Variants in PNLIP observed in about 807,000 individuals in gnomAD.
PNLIP encodes the protein pancreatic triacylglycerol lipase.
PNLIP carries 49 observed loss-of-function variants against 57.1 expected under a neutral mutation model. That is an observed-to-expected ratio of 0.86 (90% CI 0.68 to 1.09). The LOEUF (loss-of-function observed/expected upper bound fraction) is 1.09, where lower values mean the gene tolerates loss of function less well. Ranked by LOEUF, PNLIP falls within the 50% of genes least tolerant of loss-of-function variation. The pLI is 0.00. For missense variants in PNLIP, 503 were observed against 570.2 expected, an observed-to-expected ratio of 0.88 and a Z score of 1.20; for synonymous variants, 209 against 200.4, an observed-to-expected ratio of 1.04 and a Z score of -0.36.
intron 3 of PNLIP, 84 bp from the exon 4 acceptor site, chr10:116,548,276 T>G: frequency 7.5e-7 from 1 of 1,342,270 alleles, no homozygotes; most frequent in Non-Finnish European, 1.0e-6. Flanking sequence ...CTAGCAGTCT[T>G]CTACTTACTG....
At chr10:116,564,567 T>C (rs1847344964) in intron 12 of PNLIP, among the ~76,000 whole-genome samples, 1 of 152,082 alleles carries the variant, frequency 6.6e-6, no homozygotes, top group South Asian at 2.1e-4. Flanking sequence ...TAGAAAAGAA[T>C]TCACTAAAAG....
At chr10:116,555,910 A>G (rs1315842844) in intron 8 of PNLIP, 90 bp from the exon 9 acceptor site, 1 of 781,774 alleles carries the variant, frequency 1.3e-6, no homozygotes, top group Non-Finnish European at 2.2e-6. Flanking sequence ...CACTAATTAG[A>G]GAAATCTATT....
At chr10:116,546,886 C>T (rs552247611) in intron 2 of PNLIP, among the ~76,000 whole-genome samples, 18 of 152,288 alleles carry the variant, frequency 1.2e-4, no homozygotes, top group African/African-American at 4.1e-4. Flanking sequence ...TGGGGATATA[C>T]GGTTTTGGCC....
intron 9 of PNLIP, among the ~76,000 whole-genome samples, chr10:116,557,218 TAAAG>T (rs1847262011): frequency 6.6e-6 from 1 of 152,100 alleles, no homozygotes; most frequent in Admixed American, 6.5e-5. Context: ...GGGAAAAAAA[TAAAG>T]AAGCAAACAC....
At chr10:116,563,145 A>T (rs1847331510) in intron 12 of PNLIP, among the ~76,000 whole-genome samples, 1 of 152,208 alleles carries the variant, frequency 6.6e-6, no homozygotes. Context: ...ATTTGCTTAA[A>T]AGGTCAGTAA....
chr10:116,552,563 G>T (rs1006914970), intron 5 of PNLIP, among the ~76,000 whole-genome samples: 1 of 152,124 alleles, frequency 6.6e-6, no homozygotes, highest in African/African-American at 2.4e-5. Context: ...TAAGCTAAAG[G>T]TTATTACAAA....
rs1432527010 is a variant in PNLIP, at chr10:116,555,224, C to A, written c.618C>A (p.Val206=). The change falls in exon 7 of 13, where the codon GTC becomes GTA. Residue 206 remains valine, a synonymous_variant. Transcript: ENST00000369221. ...EPCFQGTPEL[V]RLDPSDAKFV... is the part of the protein sequence containing the mutation. Reference sequence around the variant, plus strand: ...GCTTTCAGGGCACACCTGAATTAGTCCGATTGGACCCCAGCGATGCCAAAT... The same window carrying A: ...GCTTTCAGGGCACACCTGAATTAGTACGATTGGACCCCAGCGATGCCAAAT... The A allele has an allele frequency of 6.2e-7, 1 of 1,614,042 alleles. No individual in the cohort carries two copies. The highest frequency in any genetic ancestry group is 8.5e-7 in the Non-Finnish European group (1 of 1,180,026).
At chr10:116,546,726 CT>C (rs1564723012) in intron 2 of PNLIP, among the ~76,000 whole-genome samples, 1 of 152,312 alleles carries the variant, frequency 6.6e-6, no homozygotes, top group Non-Finnish European at 1.5e-5. Flanking sequence ...TAGATTTATC[CT>C]CCTTAGAGAA....
At chr10:116,546,228 T>C in intron 2 of PNLIP, 90 bp downstream of exon 2, 2 of 1,077,708 alleles carry the variant, frequency 1.9e-6, no homozygotes, top group Non-Finnish European at 2.9e-6. Flanking sequence ...GCCGCAGTAA[T>C]AACATGAAGA....
chr10:116,558,670 G>C (rs1847282002), intron 9 of PNLIP, among the ~76,000 whole-genome samples: 1 of 151,560 alleles, frequency 6.6e-6, no homozygotes, highest in Non-Finnish European at 1.5e-5. Context: ...CTTGCCCAAG[G>C]CTTAAGTGCA....
intron 9 of PNLIP, among the ~76,000 whole-genome samples, chr10:116,557,682 T>C (rs1847267359): frequency 6.6e-6 from 1 of 152,140 alleles, no homozygotes; most frequent in African/African-American, 2.4e-5. Context: ...ATATGGTCCA[T>C]TGAGCCAGGA....
chr10:116,561,745 T>C (rs954922619), intron 12 of PNLIP, 109 bp downstream of exon 12: 3 of 943,052 alleles, frequency 3.2e-6, no homozygotes, highest in Non-Finnish European at 4.8e-6. Context: ...ATCGCCTACA[T>C]CCTAGTTGCA....
chr10:116,559,853 A>G (rs1847294172), intron 10 of PNLIP, among the ~76,000 whole-genome samples: 1 of 152,200 alleles, frequency 6.6e-6, no homozygotes, highest in African/African-American at 2.4e-5. Flanking sequence ...CTCCTCCCCA[A>G]TTTGCTCTGC....
intron 9 of PNLIP, among the ~76,000 whole-genome samples, chr10:116,557,486 T>C (rs1197740657): frequency 6.6e-6 from 1 of 152,178 alleles, no homozygotes; most frequent in Non-Finnish European, 1.5e-5. Context: ...TCCTTTCGAC[T>C]CTGGGTAATA....
At chr10:116,555,553 G>C in intron 8 of PNLIP, 46 bp downstream of exon 8, 1 of 1,595,124 alleles carries the variant, frequency 6.3e-7, no homozygotes, top group South Asian at 1.1e-5. Context: ...GAGAAAGCTT[G>C]TGTTTTGTTT....
intron 9 of PNLIP, among the ~76,000 whole-genome samples, chr10:116,558,005 A>G (rs1443182299): frequency 6.6e-6 from 1 of 151,768 alleles, no homozygotes; most frequent in Non-Finnish European, 1.5e-5. Context: ...CTGTAATCCC[A>G]GCACTTTGGG....
chr10:116,561,562 T>C lies in PNLIP; in HGVS notation c.1260T>C (p.Tyr420=), dbSNP rs753357152. ...TGCAGATGGTTAAATTTATTTGGTATAACAATGTGATCAACCCAACTTTAC... is the reference window on the plus strand; with the variant it reads ...TGCAGATGGTTAAATTTATTTGGTACAACAATGTGATCAACCCAACTTTAC... ...GDLQMVKFIW[Y]NNVINPTLPR... The change falls in exon 12 of 13, where the codon TAT becomes TAC. Residue 420 remains tyrosine (Y), a synonymous_variant. Coordinates refer to ENST00000369221, the MANE Select transcript of PNLIP (RefSeq NM_000936.4). 2.5e-6 allele frequency: 4 copies of C among 1,613,680 alleles called. No individual in the cohort carries two copies. The highest frequency in any genetic ancestry group is 1.3e-5 in the African/African-American group (1 of 74,924).
chr10:116,555,326 G>A (rs1186000716), intron 7 of PNLIP, 29 bp downstream of exon 7: 1 of 1,614,114 alleles, frequency 6.2e-7, no homozygotes, highest in Non-Finnish European at 8.5e-7. Context: ...CCCCCAAAGG[G>A]TGTTATAGTG....
intron 9 of PNLIP, among the ~76,000 whole-genome samples, chr10:116,556,960 A>G (rs1847260229): frequency 6.6e-6 from 1 of 152,222 alleles, no homozygotes; most frequent in Admixed American, 6.5e-5. Context: ...TTCTTCATGT[A>G]TAAATGTAAA....
Sources: allele counts gnomAD v4.1 joint callset (sites outside exome capture counted in the v4.1 genomes callset), GRCh38; gene constraint gnomAD v4.1.1; transcripts MANE v1.5; gene names NCBI Gene and HGNC (gene_info 2026-07-23, HGNC 2026-07-21).